The following DLGAP1 variants were observed in gnomAD, a reference collection of about 807,000 sequenced individuals.
DLGAP1 encodes DLG associated protein 1, also known as disks large-associated protein 1.
DLGAP1 carries 11 observed loss-of-function variants against 90.8 expected under a neutral mutation model. That is an observed-to-expected ratio of 0.12 (90% CI 0.08 to 0.20). The LOEUF (loss-of-function observed/expected upper bound fraction) is 0.20. Ranked by LOEUF, DLGAP1 falls within the 10% of genes least tolerant of loss-of-function variation. The pLI is 1.00. For synonymous variants in DLGAP1, 558 were observed against 540.7 expected (o/e 1.03, Z -0.44); for missense variants, 1,050 against 1,333.8 (o/e 0.79, Z 3.31).
intron 7 of DLGAP1, among the ~76,000 whole-genome samples, chr18:3,605,752 C>G (rs1267864699): frequency 6.6e-6 from 1 of 152,212 alleles, no homozygotes; most frequent in Non-Finnish European, 1.5e-5. Flanking sequence ...ACTACTCTGA[C>G]CCTCTAACTT....
intron 8 of DLGAP1, among the ~76,000 whole-genome samples, chr18:3,569,564 G>A (rs926583987): frequency 6.6e-6 from 1 of 151,840 alleles, no homozygotes; most frequent in African/African-American, 2.4e-5. Context: ...TTTTCTCTGA[G>A]CATATTTTTA....
chr18:3,742,868 G>A (rs934920687), intron 5 of DLGAP1, among the ~76,000 whole-genome samples: 3 of 151,966 alleles, frequency 2.0e-5, no homozygotes, highest in Non-Finnish European at 2.9e-5. Context: ...TTTCTTTCCT[G>A]TGGCCATCTT....
At chr18:4,324,917 T>C (rs189959947) in intron 1 of DLGAP1, among the ~76,000 whole-genome samples, 139 of 152,288 alleles carry the variant, frequency 9.1e-4, no homozygotes, top group Middle Eastern at 6.8e-3. Context: ...TCATACTGAA[T>C]GGGCAAAAGC....
chr18:3,582,649 T>C (rs917508627), intron 7 of DLGAP1, among the ~76,000 whole-genome samples: 2 of 151,946 alleles, frequency 1.3e-5, no homozygotes, highest in Admixed American at 1.3e-4. Flanking sequence ...TTAAACAGAG[T>C]AACTCATTAG....
chr18:3,689,925 T>C (rs1371365755), intron 7 of DLGAP1, among the ~76,000 whole-genome samples: 1 of 152,110 alleles, frequency 6.6e-6, no homozygotes, highest in Non-Finnish European at 1.5e-5. Flanking sequence ...GATATACTTT[T>C]ATTGTTTTTA....
At chr18:4,005,062 A>T (rs78968056) in intron 3 of DLGAP1, 54 bp downstream of exon 3, 9,086 of 152,048 alleles carry the variant, frequency 0.06, 394 homozygotes, top group Non-Finnish European at 0.093. Context: ...TTATATTTTA[A>T]TTTAGGATAT....
At chr18:3,984,587 T>G (rs2073804419) in intron 3 of DLGAP1, among the ~76,000 whole-genome samples, 2 of 152,298 alleles carry the variant, frequency 1.3e-5, no homozygotes, top group Non-Finnish European at 2.9e-5. Flanking sequence ...AAGCCATCTT[T>G]AATGTTCTTT....
At chr18:3,757,865 C>T (rs550733054) in intron 5 of DLGAP1, among the ~76,000 whole-genome samples, 43 of 152,026 alleles carry the variant, frequency 2.8e-4, no homozygotes, top group Non-Finnish European at 8.8e-5. Context: ...CCTGTAATCC[C>T]AGCACTTTGG....
At chr18:4,103,934 T>G (rs1400902672) in intron 2 of DLGAP1, among the ~76,000 whole-genome samples, 1 of 152,182 alleles carries the variant, frequency 6.6e-6, no homozygotes, top group Non-Finnish European at 1.5e-5. Context: ...GTCATTCTTA[T>G]AATTTTAATT....
chr18:4,042,241 CAT>C (rs1169437129), intron 2 of DLGAP1, among the ~76,000 whole-genome samples: 21 of 152,192 alleles, frequency 1.4e-4, no homozygotes, highest in African/African-American at 1.7e-4. Context: ...GCAAAAATCA[CAT>C]GTTTCAAGTG....
chr18:3,888,393 C>A (rs1242702617), intron 3 of DLGAP1, among the ~76,000 whole-genome samples: 2 of 152,100 alleles, frequency 1.3e-5, no homozygotes, highest in Non-Finnish European at 2.9e-5. Context: ...CAATGCTGAG[C>A]CATTTTATAG....
At chr18:4,234,137 G>A (rs1339526308) in intron 1 of DLGAP1, among the ~76,000 whole-genome samples, 1 of 149,792 alleles carries the variant, frequency 6.7e-6, no homozygotes, top group Non-Finnish European at 1.5e-5. Context: ...TGGATGGAAG[G>A]TCAAATAGAC....
chr18:4,205,982 G>C (rs2077713347), intron 1 of DLGAP1, among the ~76,000 whole-genome samples: 1 of 152,132 alleles, frequency 6.6e-6, no homozygotes, highest in Non-Finnish European at 1.5e-5. Context: ...TTTAACTATG[G>C]GGAGGTGGAG....
intron 1 of DLGAP1, among the ~76,000 whole-genome samples, chr18:4,388,436 T>A (rs1362107351): frequency 1.3e-5 from 2 of 152,156 alleles, no homozygotes; most frequent in East Asian, 3.9e-4. Context: ...CTGGAGATAC[T>A]AGAGCTAGGG....
intron 1 of DLGAP1, among the ~76,000 whole-genome samples, chr18:4,415,800 G>A (rs900806233): frequency 9.9e-5 from 15 of 152,106 alleles, no homozygotes; most frequent in Non-Finnish European, 1.9e-4. Context: ...GTGAAGAACA[G>A]AAACAATGTC....
At chr18:4,356,520 G>T (rs957577136) in intron 1 of DLGAP1, among the ~76,000 whole-genome samples, 1 of 152,126 alleles carries the variant, frequency 6.6e-6, no homozygotes, top group East Asian at 1.9e-4. Flanking sequence ...TTGGTGTCAT[G>T]AATTTCTCCT....
intron 7 of DLGAP1, chr18:3,708,488 C>T (rs542227986): frequency 2.2e-6 from 1 of 456,658 alleles, no homozygotes; most frequent in Non-Finnish European, 4.4e-6. Context: ...ATTCCAGCTT[C>T]TTGTCAAGGC....
chr18:3,714,969 T>C (rs1008766854), intron 7 of DLGAP1, among the ~76,000 whole-genome samples: 1 of 152,182 alleles, frequency 6.6e-6, no homozygotes, highest in East Asian at 1.9e-4. Context: ...ACACTGCAGA[T>C]GTAGTTTCTC....
chr18:4,042,834 C>T (rs910645424), intron 2 of DLGAP1, among the ~76,000 whole-genome samples: 8 of 152,076 alleles, frequency 5.3e-5, no homozygotes, highest in Non-Finnish European at 1.2e-4. Context: ...TAATAGTTTC[C>T]GTATTAAAAC....
Sources: gnomAD v4.1 joint callset for allele counts (sites outside exome capture counted in the v4.1 genomes callset) on GRCh38, gnomAD v4.1.1 for gene constraint, MANE v1.5 for transcripts, NCBI Gene and HGNC (gene_info 2026-07-23, HGNC 2026-07-21) for gene names.